The following RBBP8NL variants were observed in gnomAD, a reference collection of about 807,000 sequenced individuals.
The protein encoded by RBBP8NL is RBBP8 N-terminal like, also known as RBBP8 N-terminal-like protein.
RBBP8NL carries 59 observed loss-of-function variants against 62.2 expected under a neutral mutation model. That is an observed-to-expected ratio of 0.95 (90% CI 0.77 to 1.18). The LOEUF is 1.18. Ranked by LOEUF, RBBP8NL falls within the 50% of genes most tolerant of loss-of-function variation. RBBP8NL has a pLI of 0.00. For missense variants in RBBP8NL, 896 were observed against 899.5 expected, an observed-to-expected ratio of 1.00 and a Z score of 0.05; for synonymous variants, 412 against 394.1, an observed-to-expected ratio of 1.05 and a Z score of -0.54.
At chr20:62,424,025 G>A (rs1988758412) in intron 1 of RBBP8NL, among the ~76,000 whole-genome samples, 1 of 151,800 alleles carries the variant, frequency 6.6e-6, no homozygotes, top group Non-Finnish European at 1.5e-5. Context: ...AGGCCTGGGT[G>A]GGGGCTGCAG....
In RBBP8NL at chr20:62,416,202, C is replaced by A; in HGVS notation, c.348G>T (p.Glu116Asp). The A allele has an allele frequency of 6.2e-7, 1 of 1,609,770 alleles. No homozygotes were observed. The highest frequency in any genetic ancestry group is 8.5e-7 in the Non-Finnish European group (1 of 1,177,992). ...GCCGCTTCACCTCCTCCTTCAAGGTCTCGTTCTCTTCCTTCAGCCCGTTCA... is the reference window on the plus strand; with the variant it reads ...GCCGCTTCACCTCCTCCTTCAAGGTATCGTTCTCTTCCTTCAGCCCGTTCA... ...NEMNGLKEEN[E>D]TLKEEVKRLR... The change falls in exon 6 of 14, where the codon GAG becomes GAT. Residue 116 changes from glutamate (E) to aspartate (D), a missense_variant. Glu to Asp is a conservative substitution (Grantham distance 45). Transcript: ENST00000252998.
At chr20:62,416,276 G>A (rs1193400150) in intron 5 of RBBP8NL, 40 bp from the exon 6 acceptor site, 1 of 1,381,146 alleles carries the variant, frequency 7.2e-7, no homozygotes, top group Admixed American at 1.9e-5. Context: ...CAGGGGTTGG[G>A]GGGGACAGGG....
chr20:62,416,272 T>TGGGGGGG, intron 5 of RBBP8NL, 36 bp from the exon 6 acceptor site: 2 of 322,510 alleles, frequency 6.2e-6, no homozygotes, highest in Admixed American at 4.1e-5. Context: ...CAGCCAGGGG[T>TGGGGGGG]TGGGGGGGAC....
rs377439345 is a variant in RBBP8NL, at chr20:62,413,442, G to A, written c.1634C>T (p.Pro545Leu). ...GRPLPPPHPQPPPHPQPPDLD... is the reference protein window; with the variant it reads ...GRPLPPPHPQLPPHPQPPDLD... ...GTCAGGCGGCTGTGGGTGGGGAGGC[G>A]GCTGTGGGTGGGGAGGTGGCAGAGG... Residue 545 changes from proline to leucine, a missense_variant, in exon 11 of 14, where the codon CCG (proline) becomes CTG (leucine). By Grantham distance (98) the Pro-to-Leu change is moderately conservative. Coordinates refer to ENST00000252998, the MANE Select transcript of RBBP8NL (RefSeq NM_080833.3). 2.1e-5 allele frequency: 31 copies of A among 1,466,628 alleles called. No homozygotes were observed. The highest frequency in any genetic ancestry group is 1.8e-4 in the Middle Eastern group (1 of 5,446). The allele number at this position is 1,466,628 out of a possible 1,614,324, so 90.9% of individuals were successfully genotyped here.
At chr20:62,425,592 C>A (rs1397447838) in intron 1 of RBBP8NL, among the ~76,000 whole-genome samples, 1 of 152,220 alleles carries the variant, frequency 6.6e-6, no homozygotes, top group Non-Finnish European at 1.5e-5. Flanking sequence ...GGAGGCCGGG[C>A]CCCCTGAGCT....
intron 1 of RBBP8NL, among the ~76,000 whole-genome samples, chr20:62,420,379 C>T (rs6121584): frequency 0.39 from 56,581 of 145,752 alleles, 11,559 homozygotes; most frequent in East Asian, 0.6. Flanking sequence ...CACACACACA[C>T]ACACACACAC....
At chr20:62,411,032 G>A (rs1988422394) in intron 13 of RBBP8NL, 36 bp from the exon 14 acceptor site, 1 of 1,425,000 alleles carries the variant, frequency 7.0e-7, no homozygotes, top group Non-Finnish European at 9.9e-7. Flanking sequence ...CCGGAGCTGT[G>A]TGCCTTCCTT....
chr20:62,421,193 C>T (rs375213208), intron 1 of RBBP8NL, among the ~76,000 whole-genome samples: 2 of 152,342 alleles, frequency 1.3e-5, no homozygotes, highest in Non-Finnish European at 1.5e-5. Context: ...GTGCTTCACG[C>T]GGTCGGGTGG....
chr20:62,427,039 G>A (rs983474296), intron 1 of RBBP8NL, among the ~76,000 whole-genome samples: 2 of 152,226 alleles, frequency 1.3e-5, no homozygotes, highest in Non-Finnish European at 1.5e-5. Context: ...GCCCAGCTGC[G>A]GGTGCTGCAC....
chr20:62,418,323 G>T, intron 3 of RBBP8NL, 100 bp downstream of exon 3: 1 of 1,164,406 alleles, frequency 8.6e-7, no homozygotes. Flanking sequence ...TTTCCCTTCT[G>T]CACCATAGGA....
At chr20:62,421,448 A>ATG (rs1244735746) in intron 1 of RBBP8NL, among the ~76,000 whole-genome samples, 1 of 97,936 alleles carries the variant, frequency 1.0e-5, no homozygotes, top group Non-Finnish European at 2.0e-5. Context: ...GCCAGTGTGC[A>ATG]TGTGTGTGTG....
chr20:62,412,998 G>T, intron 11 of RBBP8NL, 98 bp from the exon 12 acceptor site: 1 of 1,371,620 alleles, frequency 7.3e-7, no homozygotes, highest in South Asian at 1.2e-5. Context: ...CTGCAGATGG[G>T]GAAACTGAGG....
chr20:62,413,770 G>A (rs771490168), intron 10 of RBBP8NL, 51 bp downstream of exon 10: 54 of 1,527,334 alleles, frequency 3.5e-5, no homozygotes, highest in Non-Finnish European at 4.5e-5. Context: ...GGCCCGGGGT[G>A]GGGGACGTGG....
At chr20:62,419,822 T>C in intron 1 of RBBP8NL, 92 bp from the exon 2 acceptor site, 1 of 652,010 alleles carries the variant, frequency 1.5e-6, no homozygotes, top group Non-Finnish European at 2.6e-6. Context: ...TGTGTCTGTA[T>C]GGAGCAGACC....
chr20:62,425,329 G>A (rs1412585852), intron 1 of RBBP8NL, among the ~76,000 whole-genome samples: 1 of 152,216 alleles, frequency 6.6e-6, no homozygotes, highest in Non-Finnish European at 1.5e-5. Context: ...CCTTGTGCAG[G>A]AGGACGCAGC....
Position 62,416,848 on chromosome 20 carries a change from G to A in RBBP8NL, c.225C>T (p.Arg75=). 6.4e-7 allele frequency: 1 copy of A among 1,574,154 alleles called. No individual in the cohort carries two copies. Among genetic ancestry groups the A allele is most frequent in the South Asian group, 1.2e-5 (1 of 86,298 alleles). Residue 75 remains arginine (R), a synonymous_variant, in exon 5 of 14, where the codon CGC becomes CGT. Transcript: ENST00000252998. ...TGGCCAGCTCCTGGGTGACCATGCA[G>A]CGGTCGCACAGGCCGGCCCGCAGCC... ...ENRLRAGLCD[R]CMVTQELARK... is the part of the protein sequence containing the mutation.
chr20:62,416,117 G>T, intron 6 of RBBP8NL, 47 bp downstream of exon 6: 1 of 1,562,068 alleles, frequency 6.4e-7, no homozygotes, highest in East Asian at 2.3e-5. Flanking sequence ...TGCTCGGGGG[G>T]TGCTGGGGAG....
In RBBP8NL at chr20:62,416,158, A is replaced by C; in HGVS notation, c.386+6T>G. 7 of 1,609,946 alleles carry C rather than the reference A, an allele frequency of 4.3e-6. No homozygotes were observed. Among genetic ancestry groups the C allele is most frequent in the Non-Finnish European group, 5.9e-6 (7 of 1,178,450 alleles). On this transcript the variant is annotated splice_donor_region_variant and intron_variant, in intron 6 of 13. Coordinates refer to ENST00000252998, the MANE Select transcript of RBBP8NL (RefSeq NM_080833.3). ...TGTCTGAGCCCTGGGACCCTTTCCC[A>C]CTCACCCCAGGCCCCGAAGCCGCTT...
At chr20:62,411,368 G>A (rs2146436171) in intron 13 of RBBP8NL, among the ~76,000 whole-genome samples, 1 of 152,370 alleles carries the variant, frequency 6.6e-6, no homozygotes, top group Admixed American at 6.5e-5. Context: ...CCTGGTTCCT[G>A]CGATGGTCCG....
Sources: gnomAD v4.1 joint callset for allele counts (sites outside exome capture counted in the v4.1 genomes callset) on GRCh38, gnomAD v4.1.1 for gene constraint, MANE v1.5 for transcripts, NCBI Gene and HGNC (gene_info 2026-07-23, HGNC 2026-07-21) for gene names.